The following ARL6IP6 variants were observed in gnomAD, a reference collection of about 807,000 sequenced individuals.
ARL6IP6 encodes the protein ADP-ribosylation factor-like protein 6-interacting protein 6.
Under a neutral mutation model 21.5 loss-of-function variants are expected in ARL6IP6, and 22 were observed. The ratio of observed to expected loss-of-function variants is 1.02; its 90% CI spans 0.73 to 1.46. The LOEUF is 1.46. Ranked by LOEUF, ARL6IP6 falls within the 40% of genes most tolerant of loss-of-function variation. The pLI, the probability that ARL6IP6 is intolerant of heterozygous loss-of-function variation, is 0.00. For synonymous variants in ARL6IP6, 164 were observed against 125.3 expected (o/e 1.31, Z -2.06); for missense variants, 388 against 299.8 (o/e 1.29, Z -2.17).
chr2:152,733,259 G>GTTGTTTGT (rs148634776), intron 2 of ARL6IP6, among the ~76,000 whole-genome samples: 2 of 151,834 alleles, frequency 1.3e-5, no homozygotes, highest in South Asian at 2.1e-4. Flanking sequence ...GCTTCGTTCT[G>GTTGTTTGT]TTGTTTGTTT....
chr2:152,730,154 G>C (rs1408629862), intron 2 of ARL6IP6, among the ~76,000 whole-genome samples: 1 of 152,132 alleles, frequency 6.6e-6, no homozygotes, highest in Non-Finnish European at 1.5e-5. Context: ...TAATAAAAAT[G>C]CTCAATGCGA....
At chr2:152,743,162 A>C (rs908391285) in intron 3 of ARL6IP6, among the ~76,000 whole-genome samples, 3 of 151,872 alleles carry the variant, frequency 2.0e-5, no homozygotes, top group African/African-American at 4.8e-5. Context: ...TTAAGACTGC[A>C]CTCCACGGTT....
Position 152,759,948 on chromosome 2 carries a change from A to G in ARL6IP6, c.*108A>G. The G allele has an allele frequency of 3.5e-6, 3 of 863,958 alleles. No individual in the cohort carries two copies. In the South Asian group the frequency reaches 4.4e-5, roughly 13 times the overall value. 53.5% of individuals were successfully genotyped at this position (863,958 alleles called of 1,614,324 possible). A position where few individuals can be genotyped will look rare whatever the true frequency, so the allele number is the denominator to read the frequency against. On this transcript the variant is annotated 3_prime_UTR_variant, in exon 4 of 4. Coordinates refer to ENST00000326446, the MANE Select transcript of ARL6IP6 (RefSeq NM_152522.7). ...AAGACTGAGAAACCTGCTGTTCATT[A>G]TGTAGTTCAGATATTTATCACAATC... is the stretch of plus-strand genomic sequence containing the variant.
chr2:152,747,942 C>A (rs1701134985), intron 3 of ARL6IP6, among the ~76,000 whole-genome samples: 1 of 152,060 alleles, frequency 6.6e-6, no homozygotes, highest in Admixed American at 6.6e-5. Flanking sequence ...CTCAAGCCAT[C>A]CTCCTGCCTC....
chr2:152,743,509 T>C (rs1365877248), intron 3 of ARL6IP6, among the ~76,000 whole-genome samples: 1 of 152,194 alleles, frequency 6.6e-6, no homozygotes, highest in African/African-American at 2.4e-5. Flanking sequence ...GGTTTATTAA[T>C]TTTAAGTCTA....
At chr2:152,749,508 A>G (rs549182220) in intron 3 of ARL6IP6, among the ~76,000 whole-genome samples, 1 of 152,310 alleles carries the variant, frequency 6.6e-6, no homozygotes, top group Non-Finnish European at 1.5e-5. Flanking sequence ...AGAATTTTTA[A>G]AAATCTCTTC....
At chr2:152,718,459 C>T (rs1336081519), upstream of ARL6IP6, 8 of 969,420 alleles carry the variant, frequency 8.3e-6, no homozygotes, top group Non-Finnish European at 9.9e-6. Flanking sequence ...CTCCTTTGGC[C>T]CTGCGGCTTC....
At chr2:152,738,372 T>TC (rs1559233748) in intron 3 of ARL6IP6, among the ~76,000 whole-genome samples, 1 of 152,198 alleles carries the variant, frequency 6.6e-6, no homozygotes, top group Non-Finnish European at 1.5e-5. Context: ...ACTAGGTAGT[T>TC]CCCCCGTGGG....
At chr2:152,739,187 A>G (rs562917939) in intron 3 of ARL6IP6, among the ~76,000 whole-genome samples, 94 of 151,942 alleles carry the variant, frequency 6.2e-4, no homozygotes, top group Non-Finnish European at 6.9e-4. Context: ...GGGTTTCACC[A>G]TGTTAGCCAG....
intron 3 of ARL6IP6, among the ~76,000 whole-genome samples, chr2:152,746,001 CTTTTTTTTTTT>C (rs67760283): frequency 0.038 from 2,527 of 66,444 alleles, 67 homozygotes; most frequent in Middle Eastern, 0.1. Flanking sequence ...TGCTTTGTAC[CTTTTTTTTTTT>C]TTTTTTTTTT....
chr2:152,725,125 CAAAAGAATAAAG>C lies in ARL6IP6; in HGVS notation c.454+4544_454+4555del, dbSNP rs556493110. 1.9e-4 allele frequency among the ~76,000 whole-genome samples: 29 copies of C among 152,178 alleles called. 1 individual carries two copies. The South Asian group carries it at 4.6e-3, about 24-fold the overall frequency. On this transcript the variant is annotated intron_variant, in intron 2 of 3. Transcript: ENST00000326446. ...TGACTTATTCTTTCTTAGGGATCTT[CAAAAGAATAAAG>C]AAAACTGAGCTATATTTCTCATAAA...
intron 2 of ARL6IP6, among the ~76,000 whole-genome samples, chr2:152,722,044 A>T (rs1699816840): frequency 6.6e-6 from 1 of 152,204 alleles, no homozygotes; most frequent in Non-Finnish European, 1.5e-5. Context: ...ATTAGGCATG[A>T]ATTCTAAACC....
chr2:152,718,021 A>C (rs1699266547), upstream of ARL6IP6: 6 of 994,288 alleles, frequency 6.0e-6, no homozygotes, highest in East Asian at 1.1e-4. Flanking sequence ...CTGGGGAAGG[A>C]GGCGTGTCGA....
At chr2:152,736,913 C>T in intron 3 of ARL6IP6, among the ~76,000 whole-genome samples, 1 of 152,128 alleles carries the variant, frequency 6.6e-6, no homozygotes, top group Non-Finnish European at 1.5e-5. Context: ...CTTGAACATT[C>T]ATGGATTTTG....
At chr2:152,747,991 G>A (rs1190438548) in intron 3 of ARL6IP6, among the ~76,000 whole-genome samples, 3 of 152,080 alleles carry the variant, frequency 2.0e-5, no homozygotes, top group Non-Finnish European at 4.4e-5. Flanking sequence ...ATGAGTCACC[G>A]CATCCAGCCC....
At chr2:152,731,941 C>G (rs1340000405) in intron 2 of ARL6IP6, among the ~76,000 whole-genome samples, 1 of 152,062 alleles carries the variant, frequency 6.6e-6, no homozygotes, top group Non-Finnish European at 1.5e-5. Context: ...TTTTCAGGAT[C>G]TTTCCATATC....
chr2:152,718,529 G>C (rs939435304), upstream of ARL6IP6: 7 of 1,474,832 alleles, frequency 4.7e-6, no homozygotes, highest in Admixed American at 1.5e-4. Context: ...CTGAGGCCTG[G>C]TGGTAGCGGC....
At position 152,735,034 on chromosome 2, in the gene ARL6IP6, C is replaced by T; in HGVS notation, c.495C>T (p.Phe165=). 1 of 1,613,332 alleles carries T rather than the reference C, an allele frequency of 6.2e-7. No homozygotes were observed. The highest frequency in any genetic ancestry group is 8.5e-7 in the Non-Finnish European group (1 of 1,179,344). Reference sequence around the variant, plus strand: ...TTATAATATCCCTAACTGCTGGATTCTCCTGTTGCAGCTTTTCTTGGACAG... The same window carrying T: ...TTATAATATCCCTAACTGCTGGATTTTCCTGTTGCAGCTTTTCTTGGACAG... ...TLLIISLTAG[F]SCCSFSWTVT... Residue 165 remains phenylalanine, a synonymous_variant, in exon 3 of 4, where the codon TTC becomes TTT. Transcript: ENST00000326446.
chr2:152,747,656 A>G (rs976473170), intron 3 of ARL6IP6, among the ~76,000 whole-genome samples: 1 of 151,290 alleles, frequency 6.6e-6, no homozygotes, highest in Non-Finnish European at 1.5e-5. Flanking sequence ...GCTCACTGCA[A>G]CCTCCACCCG....
Sources: gnomAD v4.1 joint callset for allele counts (sites outside exome capture counted in the v4.1 genomes callset) on GRCh38, gnomAD v4.1.1 for gene constraint, MANE v1.5 for transcripts, NCBI Gene and HGNC (gene_info 2026-07-23, HGNC 2026-07-21) for gene names.